The following PGCKA1 variants were observed in gnomAD, a reference collection of about 807,000 sequenced individuals.
PGCKA1 encodes the protein PDCD10 and GCKIII kinases-associated protein 1.
the PGCKA1 span, among the ~76,000 whole-genome samples, chr4:37,527,169 C>T: frequency 1.3e-5 from 2 of 152,008 alleles, no homozygotes; most frequent in Non-Finnish European, 2.9e-5. Flanking sequence ...TTTTATACAG[C>T]CACACAATGT....
At chr4:37,513,874 C>T in the PGCKA1 span, among the ~76,000 whole-genome samples, 10 of 152,102 alleles carry the variant, frequency 6.6e-5, no homozygotes, top group Admixed American at 2.6e-4. Flanking sequence ...GTCCGTTTAG[C>T]GATCATTCAG....
At chr4:37,593,316 T>C in the PGCKA1 span, among the ~76,000 whole-genome samples, 1 of 152,172 alleles carries the variant, frequency 6.6e-6, no homozygotes, top group Non-Finnish European at 1.5e-5. Flanking sequence ...GTAGAGAATG[T>C]ATCACTGGCC....
the PGCKA1 span, among the ~76,000 whole-genome samples, chr4:37,553,564 T>G: frequency 1.3e-5 from 2 of 152,152 alleles, no homozygotes; most frequent in African/African-American, 4.8e-5. Flanking sequence ...GATTGTAACA[T>G]GTACCATTAT....
chr4:37,569,105 A>AG, the PGCKA1 span, among the ~76,000 whole-genome samples: 3 of 151,878 alleles, frequency 2.0e-5, no homozygotes, highest in South Asian at 4.2e-4. Context: ...TCAAAAAAAA[A>AG]GGGGGGGAGA....
the PGCKA1 span, among the ~76,000 whole-genome samples, chr4:37,577,515 C>A: frequency 4.0e-5 from 6 of 151,354 alleles, no homozygotes; most frequent in East Asian, 1.9e-4. Context: ...TCAAAAAAAA[C>A]CAATCTTTTG....
the PGCKA1 span, among the ~76,000 whole-genome samples, chr4:37,524,075 G>A: frequency 6.6e-6 from 1 of 152,206 alleles, no homozygotes; most frequent in Non-Finnish European, 1.5e-5. Context: ...AAGAGAAAGT[G>A]TCCAAGAGTA....
chr4:37,511,793 C>T, the PGCKA1 span, among the ~76,000 whole-genome samples: 3 of 152,134 alleles, frequency 2.0e-5, no homozygotes, highest in Non-Finnish European at 4.4e-5. Context: ...TGGTCAGAGT[C>T]GTGAGGACCC....
the PGCKA1 span, among the ~76,000 whole-genome samples, chr4:37,467,826 A>G: frequency 2.0e-5 from 3 of 152,230 alleles, no homozygotes; most frequent in Admixed American, 1.3e-4. Flanking sequence ...TATCACGTTC[A>G]TGCATTGTGA....
the PGCKA1 span, among the ~76,000 whole-genome samples, chr4:37,504,376 G>GT: frequency 2.0e-5 from 3 of 151,934 alleles, no homozygotes; most frequent in African/African-American, 7.3e-5. Flanking sequence ...CTCCAGTTTT[G>GT]TTCTTTTTTG....
At chr4:37,456,789 G>A in the PGCKA1 span, among the ~76,000 whole-genome samples, 2 of 152,298 alleles carry the variant, frequency 1.3e-5, no homozygotes, top group East Asian at 3.9e-4. Flanking sequence ...GAGAGTTCAT[G>A]CAGGCTGCAA....
the PGCKA1 span, among the ~76,000 whole-genome samples, chr4:37,526,782 A>G: frequency 6.6e-6 from 1 of 152,220 alleles, no homozygotes; most frequent in African/African-American, 2.4e-5. Context: ...CTTGACAATG[A>G]TCATAAATGT....
chr4:37,551,896 C>G, the PGCKA1 span, among the ~76,000 whole-genome samples: 1 of 152,194 alleles, frequency 6.6e-6, no homozygotes, highest in African/African-American at 2.4e-5. Context: ...ATATAAATCA[C>G]TATCAATCTA....
the PGCKA1 span, among the ~76,000 whole-genome samples, chr4:37,577,586 C>A: frequency 1.3e-5 from 2 of 151,482 alleles, no homozygotes; most frequent in Admixed American, 1.3e-4. Context: ...TTTATTATTT[C>A]TTTTCTTCTG....
chr4:37,471,370 A>T, the PGCKA1 span, among the ~76,000 whole-genome samples: 1 of 152,216 alleles, frequency 6.6e-6, no homozygotes, highest in African/African-American at 2.4e-5. Flanking sequence ...ATACTAAATT[A>T]GCTTACAGTT....
chr4:37,543,900 T>A, the PGCKA1 span, among the ~76,000 whole-genome samples: 1 of 152,136 alleles, frequency 6.6e-6, no homozygotes, highest in South Asian at 2.1e-4. Flanking sequence ...GTGCCCTCTC[T>A]TGTATACACT....
the PGCKA1 span, among the ~76,000 whole-genome samples, chr4:37,506,744 G>T: frequency 6.6e-6 from 1 of 152,188 alleles, no homozygotes; most frequent in Admixed American, 6.5e-5. Flanking sequence ...GGAAAAGAAT[G>T]TATATTCTGC....
At chr4:37,525,789 T>C in the PGCKA1 span, among the ~76,000 whole-genome samples, 2 of 152,200 alleles carry the variant, frequency 1.3e-5, no homozygotes, top group African/African-American at 4.8e-5. Context: ...GGAAGCCTAT[T>C]TATACCTTGA....
the PGCKA1 span, among the ~76,000 whole-genome samples, chr4:37,468,303 A>G: frequency 2.6e-5 from 4 of 151,698 alleles, no homozygotes; most frequent in Non-Finnish European, 5.9e-5. Context: ...CACATTGTCA[A>G]CCCCTCATGT....
chr4:37,488,161 A>T, the PGCKA1 span, among the ~76,000 whole-genome samples: 1 of 152,178 alleles, frequency 6.6e-6, no homozygotes, highest in Non-Finnish European at 1.5e-5. Context: ...TCAAGTCCAG[A>T]ATATTTTTTT....
Sources: allele counts gnomAD v4.1 joint callset (sites outside exome capture counted in the v4.1 genomes callset), GRCh38; gene constraint gnomAD v4.1.1; transcripts MANE v1.5; gene names NCBI Gene and HGNC (gene_info 2026-07-23, HGNC 2026-07-21).